PTPRG: variants seen among roughly 807,000 people sequenced by gnomAD.
PTPRG encodes receptor-type tyrosine-protein phosphatase gamma.
Under a neutral mutation model 165.3 loss-of-function variants are expected in PTPRG, and 102 were observed. The observed-to-expected ratio is 0.62, with a 90% CI of 0.53 to 0.73. PTPRG has a LOEUF of 0.73. Ranked by LOEUF, PTPRG falls within the 30% of genes least tolerant of loss-of-function variation. PTPRG has a pLI of 0.00. For synonymous variants in PTPRG, 675 were observed against 669.5 expected (o/e 1.01, Z -0.13); for missense variants, 1,866 against 1,861.4 (o/e 1.00, Z -0.05).
At chr3:62,147,638 A>G (rs555826903) in intron 6 of PTPRG, among the ~76,000 whole-genome samples, 24 of 152,306 alleles carry the variant, frequency 1.6e-4, no homozygotes, top group South Asian at 8.3e-4. Context: ...GGAAAACAGT[A>G]TCTGGGACTT....
At chr3:61,969,971 A>C (rs368738742) in intron 2 of PTPRG, among the ~76,000 whole-genome samples, 1 of 152,234 alleles carries the variant, frequency 6.6e-6, no homozygotes, top group Non-Finnish European at 1.5e-5. Context: ...CGTTTCAAAA[A>C]GATTTTGAGA....
chr3:62,054,883 T>C (rs1444571016), intron 4 of PTPRG, among the ~76,000 whole-genome samples: 1 of 152,208 alleles, frequency 6.6e-6, no homozygotes, highest in Admixed American at 6.5e-5. Flanking sequence ...GGTATAAAGA[T>C]GAAATTATAG....
chr3:62,220,306 T>G (rs1039851245), intron 13 of PTPRG, among the ~76,000 whole-genome samples: 1 of 152,200 alleles, frequency 6.6e-6, no homozygotes, highest in Admixed American at 6.5e-5. Flanking sequence ...AATGTTATGA[T>G]TTGACTTGAA....
intron 6 of PTPRG, among the ~76,000 whole-genome samples, chr3:62,145,548 T>A (rs1035191497): frequency 2.6e-5 from 4 of 152,102 alleles, no homozygotes; most frequent in Non-Finnish European, 5.9e-5. Context: ...AAGATGATGA[T>A]GATGATGATG....
chr3:62,215,553 C>A (rs370247412), intron 12 of PTPRG, among the ~76,000 whole-genome samples: 6 of 142,274 alleles, frequency 4.2e-5, no homozygotes, highest in Admixed American at 2.8e-4. Flanking sequence ...GGAACCCCCC[C>A]CCCCCGCCAA....
chr3:62,194,546 G>A (rs1699913188), intron 9 of PTPRG, among the ~76,000 whole-genome samples: 1 of 152,198 alleles, frequency 6.6e-6, no homozygotes, highest in Non-Finnish European at 1.5e-5. Context: ...GGGCAGGCAG[G>A]GTGGCTCACG....
chr3:61,688,182 C>T (rs1703702163), intron 1 of PTPRG, among the ~76,000 whole-genome samples: 1 of 152,174 alleles, frequency 6.6e-6, no homozygotes. Context: ...AGAGACATTT[C>T]CTGGACTAAT....
intron 2 of PTPRG, among the ~76,000 whole-genome samples, chr3:61,921,036 G>A (rs1250178729): frequency 6.6e-6 from 1 of 151,658 alleles, no homozygotes; most frequent in East Asian, 1.9e-4. Flanking sequence ...AAACCGTGAG[G>A]GTCTTGTTAT....
chr3:62,288,672 CAAAAAAA>C (rs781432160), intron 28 of PTPRG, among the ~76,000 whole-genome samples: 1 of 81,684 alleles, frequency 1.2e-5, no homozygotes, highest in Non-Finnish European at 2.6e-5. Flanking sequence ...TACTCCGTCA[CAAAAAAA>C]AAAAAAAAAA....
chr3:62,103,175 T>A (rs1576006158), intron 5 of PTPRG, among the ~76,000 whole-genome samples: 2 of 152,280 alleles, frequency 1.3e-5, no homozygotes, highest in East Asian at 3.9e-4. Flanking sequence ...TGTTTCCAGC[T>A]ATTGGAACAT....
intron 2 of PTPRG, among the ~76,000 whole-genome samples, chr3:61,856,943 C>G (rs1219012456): frequency 6.6e-6 from 1 of 152,182 alleles, no homozygotes; most frequent in Non-Finnish European, 1.5e-5. Flanking sequence ...TGCTGTCGCT[C>G]AAGCTGATGA....
chr3:61,840,906 C>A (rs867465619), intron 2 of PTPRG, among the ~76,000 whole-genome samples: 1 of 151,672 alleles, frequency 6.6e-6, no homozygotes, highest in Middle Eastern at 3.4e-3. Flanking sequence ...CTCAGCCTCC[C>A]GAGTAGCTGG....
In PTPRG at chr3:62,267,386, GTTTT is replaced by G; in HGVS notation, c.2657-18_2657-15del. ...TTTCTGAATTATCCATTTTATTTCT[GTTTT>G]TTTTTCTTATCTTCTATAGATGATC... On this transcript the variant is annotated intron_variant, in intron 17 of 29. Coordinates refer to ENST00000474889, the MANE Select transcript of PTPRG (RefSeq NM_002841.4). 6.9e-7 allele frequency: 1 copy of G among 1,456,154 alleles called. No individual in the cohort carries two copies. The highest frequency in any genetic ancestry group is 9.4e-7 in the Non-Finnish European group (1 of 1,059,488). The allele number at this position is 1,456,154 out of a possible 1,614,324, so 90.2% of individuals were successfully genotyped here.
At chr3:62,247,555 C>T (rs1701315741) in intron 15 of PTPRG, among the ~76,000 whole-genome samples, 2 of 152,014 alleles carry the variant, frequency 1.3e-5, no homozygotes, top group African/African-American at 4.8e-5. Flanking sequence ...AAAAATCTCC[C>T]CTCTCATCTC....
chr3:61,936,193 A>T (rs2039479756), intron 2 of PTPRG, among the ~76,000 whole-genome samples: 1 of 152,224 alleles, frequency 6.6e-6, no homozygotes, highest in Non-Finnish European at 1.5e-5. Flanking sequence ...TTCTAGGACC[A>T]TGAGAAATAG....
intron 4 of PTPRG, among the ~76,000 whole-genome samples, chr3:62,056,912 G>C (rs778109866): frequency 2.6e-5 from 4 of 152,184 alleles, no homozygotes; most frequent in Non-Finnish European, 4.4e-5. Context: ...TCATGGACAC[G>C]AGAAGGAGGT....
chr3:61,927,477 T>G (rs1156237850), intron 2 of PTPRG, among the ~76,000 whole-genome samples: 5 of 152,154 alleles, frequency 3.3e-5, no homozygotes, highest in African/African-American at 1.2e-4. Context: ...CTTGGCTGTT[T>G]TGAGAATTGT....
At chr3:62,035,846 C>G (rs1699921160) in intron 4 of PTPRG, among the ~76,000 whole-genome samples, 2 of 152,152 alleles carry the variant, frequency 1.3e-5, no homozygotes, top group Non-Finnish European at 2.9e-5. Flanking sequence ...AGCTGTTCTC[C>G]CAGATGCTGG....
At chr3:62,067,408 A>T (rs1282252580) in intron 4 of PTPRG, among the ~76,000 whole-genome samples, 1 of 152,034 alleles carries the variant, frequency 6.6e-6, no homozygotes, top group Non-Finnish European at 1.5e-5. Flanking sequence ...TTTTGGCACG[A>T]GGGACCGGTT....
Sources: allele counts gnomAD v4.1 joint callset (sites outside exome capture counted in the v4.1 genomes callset), GRCh38; gene constraint gnomAD v4.1.1; transcripts MANE v1.5; gene names NCBI Gene and HGNC (gene_info 2026-07-23, HGNC 2026-07-21).